Variants in FUT8 observed in about 807,000 individuals in gnomAD.
The protein encoded by FUT8 is alpha-(1,6)-fucosyltransferase.
Under a neutral mutation model 71.3 loss-of-function variants are expected in FUT8, and 29 were observed. That is an observed-to-expected ratio of 0.41 (90% CI 0.30 to 0.55). The LOEUF is 0.55. FUT8 is among the 20% of genes least tolerant of loss of function. The pLI, the probability that FUT8 is intolerant of heterozygous loss-of-function variation, is 0.34. For missense variants in FUT8, 544 were observed against 702.1 expected (o/e 0.77, Z 2.55); for synonymous variants, 254 against 239.3 (o/e 1.06, Z -0.57).
At chr14:65,721,188 C>G (rs540641977) in intron 7 of FUT8, among the ~76,000 whole-genome samples, 1 of 150,990 alleles carries the variant, frequency 6.6e-6, no homozygotes, top group Non-Finnish European at 1.5e-5. Context: ...GTGGTGGGGG[C>G]AGCGATTGGT....
chr14:65,614,423 C>T (rs1490976096), intron 3 of FUT8, among the ~76,000 whole-genome samples: 1 of 152,146 alleles, frequency 6.6e-6, no homozygotes, highest in Admixed American at 6.5e-5. Context: ...TTTCCTATTG[C>T]TGCTTTGACA....
chr14:65,683,123 C>T (rs1385573827), intron 7 of FUT8, among the ~76,000 whole-genome samples: 6 of 151,852 alleles, frequency 4.0e-5, no homozygotes, highest in Non-Finnish European at 7.4e-5. Flanking sequence ...AAGCGATTCT[C>T]CTGCCTCAGC....
At chr14:65,695,157 G>C (rs778297228) in intron 7 of FUT8, among the ~76,000 whole-genome samples, 1 of 152,152 alleles carries the variant, frequency 6.6e-6, no homozygotes, top group South Asian at 2.1e-4. Flanking sequence ...GCTAGATGAA[G>C]TATTCTATAA....
At chr14:65,532,775 T>C (rs1464271707) in intron 2 of FUT8, among the ~76,000 whole-genome samples, 1 of 151,890 alleles carries the variant, frequency 6.6e-6, no homozygotes, top group Non-Finnish European at 1.5e-5. Flanking sequence ...TAGTTTTGGG[T>C]TTTAAGTCTT....
At chr14:65,572,981 C>T (rs1886564957) in intron 3 of FUT8, among the ~76,000 whole-genome samples, 1 of 152,068 alleles carries the variant, frequency 6.6e-6, no homozygotes, top group Non-Finnish European at 1.5e-5. Flanking sequence ...CTGTTTTCAA[C>T]AATAGCAGAA....
chr14:65,448,394 A>G (rs888016575), intron 1 of FUT8, among the ~76,000 whole-genome samples: 4 of 152,198 alleles, frequency 2.6e-5, no homozygotes, highest in Non-Finnish European at 5.9e-5. Context: ...CTCATTCCCT[A>G]TAGCATATTG....
intron 3 of FUT8, among the ~76,000 whole-genome samples, chr14:65,593,796 G>A (rs992025142): frequency 6.6e-6 from 1 of 152,122 alleles, no homozygotes; most frequent in Admixed American, 6.5e-5. Context: ...AGCTGGTCTT[G>A]AACTCCCAAC....
chr14:65,409,561 C>A (rs1037482033), upstream of FUT8, among the ~76,000 whole-genome samples: 1 of 152,244 alleles, frequency 6.6e-6, no homozygotes, highest in African/African-American at 2.4e-5. This position sits in a 1 kb window ranked among gnomAD's most constrained non-coding sequence, Gnocchi z 5.4. Flanking sequence ...CCAGTTTCTA[C>A]ATGAATGTTC....
chr14:65,586,862 T>TC (rs1296961152), intron 3 of FUT8, among the ~76,000 whole-genome samples: 1 of 152,160 alleles, frequency 6.6e-6, no homozygotes, highest in Non-Finnish European at 1.5e-5. Flanking sequence ...TGAGGGGTTT[T>TC]CCCCCCTACA....
intron 6 of FUT8, among the ~76,000 whole-genome samples, chr14:65,654,206 T>C (rs144206847): frequency 0.011 from 1,721 of 152,232 alleles, 14 homozygotes; most frequent in Non-Finnish European, 0.016. Flanking sequence ...AGTAGGAAGG[T>C]TTCTGCATTC....
At chr14:65,697,762 T>C (rs1016337646) in intron 7 of FUT8, among the ~76,000 whole-genome samples, 2 of 152,124 alleles carry the variant, frequency 1.3e-5, no homozygotes, top group African/African-American at 2.4e-5. Flanking sequence ...TCACCTGAGG[T>C]CAGGAATTCG....
intron 3 of FUT8, among the ~76,000 whole-genome samples, chr14:65,615,634 T>C (rs1001937073): frequency 9.2e-5 from 14 of 152,232 alleles, no homozygotes; most frequent in African/African-American, 3.1e-4. Flanking sequence ...TCCTTCACTT[T>C]TGTTACTCTC....
At chr14:65,412,286 G>A (rs2065140225), upstream of FUT8, 2 of 456,102 alleles carry the variant, frequency 4.4e-6, no homozygotes, top group Admixed American at 2.4e-5. Context: ...AGCAGCAGCA[G>A]CGCGCACCCC....
chr14:65,536,531 T>C (rs777683821), intron 2 of FUT8, among the ~76,000 whole-genome samples: 2 of 152,248 alleles, frequency 1.3e-5, no homozygotes, highest in African/African-American at 2.4e-5. Context: ...TGGCCAGTTA[T>C]GAAGTTCTTG....
At chr14:65,641,284 TG>T (rs1212476981) in intron 6 of FUT8, among the ~76,000 whole-genome samples, 1 of 152,230 alleles carries the variant, frequency 6.6e-6, no homozygotes, top group Non-Finnish European at 1.5e-5. Context: ...CATACTATTT[TG>T]TCTGGCTTCT....
chr14:65,616,352 T>C lies in FUT8; in HGVS notation c.461T>C (p.Leu154Ser). 1 of 1,603,562 alleles carries C rather than the reference T, an allele frequency of 6.2e-7. No individual in the cohort carries two copies. The highest frequency in any genetic ancestry group is 8.5e-7 in the Non-Finnish European group (1 of 1,176,314). Reference protein sequence around the residue: ...ELQRHADEFLLDLGHHERSIM... With the variant: ...ELQRHADEFLSDLGHHERSIM... ...CAAAGACATGCAGATGAATTTCTTT[T>C]GGATTTAGGACATCATGAAAGGTAC... is the stretch of plus-strand genomic sequence containing the variant. Residue 154 changes from leucine (L) to serine (S), a missense_variant, in exon 5 of 11, where the codon TTG becomes TCG. Coordinates refer to ENST00000673929, the MANE Select transcript of FUT8 (RefSeq NM_001371533.1).
chr14:65,689,797 G>A (rs916096685), intron 7 of FUT8, among the ~76,000 whole-genome samples: 12 of 152,250 alleles, frequency 7.9e-5, no homozygotes, highest in East Asian at 1.9e-4. Context: ...TCGGCCTCCC[G>A]AAGTGCTAGG....
chr14:65,530,791 C>T (rs79690046), intron 2 of FUT8, among the ~76,000 whole-genome samples: 2,641 of 151,094 alleles, frequency 0.017, 78 homozygotes, highest in African/African-American at 0.061. Flanking sequence ...CGTGTATGCT[C>T]TTACGTTCTC....
chr14:65,388,872 C>T, the FUT8 span, among the ~76,000 whole-genome samples: 4 of 151,552 alleles, frequency 2.6e-5, no homozygotes, highest in Non-Finnish European at 4.4e-5. Context: ...GAGTGGTATG[C>T]GTTAATATGG....
Sources: gnomAD v4.1 joint callset for allele counts (sites outside exome capture counted in the v4.1 genomes callset) on GRCh38, gnomAD v4.1.1 for gene constraint, Gnocchi (gnomAD v3.1) non-coding constraint, MANE v1.5 for transcripts, NCBI Gene and HGNC (gene_info 2026-07-23, HGNC 2026-07-21) for gene names.